AKR1A1: variants seen among roughly 807,000 people sequenced by gnomAD.
AKR1A1 encodes aldo-keto reductase family 1 member A1, also known as HEL-S-165mP.
AKR1A1 carries 26 observed loss-of-function variants against 39.2 expected under a neutral mutation model. The ratio of observed to expected loss-of-function variants is 0.66; its 90% CI spans 0.49 to 0.92. The LOEUF (loss-of-function observed/expected upper bound fraction) is 0.92. AKR1A1 is among the 40% of genes least tolerant of loss of function. The probability of loss-of-function intolerance (pLI) is 0.00; values close to 1 mark genes in which losing one functional copy is unlikely to be tolerated. For missense variants in AKR1A1, 378 were observed against 406.5 expected (o/e 0.93, Z 0.60); for synonymous variants, 141 against 155.5 (o/e 0.91, Z 0.69).
At chr1:45,569,538 A>G (rs1011729248) in intron 8 of AKR1A1, among the ~76,000 whole-genome samples, 2 of 152,156 alleles carry the variant, frequency 1.3e-5, no homozygotes, top group African/African-American at 4.8e-5. Context: ...CATGTAGTAG[A>G]TTCTCAGTAA....
intron 2 of AKR1A1, among the ~76,000 whole-genome samples, 173 bp downstream of exon 2, chr1:45,562,051 G>T (rs1644284513): frequency 6.6e-6 from 1 of 152,164 alleles, no homozygotes; most frequent in Non-Finnish European, 1.5e-5. Flanking sequence ...GGGCTGAGGG[G>T]CCCAGCAGGG....
chr1:45,557,912 C>CTTTTTTTTTTTTTTTTTT lies in AKR1A1; in HGVS notation c.-6-3862_-6-3861insTTTTTTTTTTTTTTTTTT, dbSNP rs67386168. ...TGTACTGGCTTTACTCACAACTTGT[C>CTTTTTTTTTTTTTTTTTT]TTTTTTTTTTTTTTTGAGATGGAGC... On this transcript the variant is annotated intron_variant, in intron 1 of 8. Coordinates refer to ENST00000351829, the MANE Select transcript of AKR1A1 (RefSeq NM_153326.3). Among the ~76,000 whole-genome samples, 179 of 112,174 alleles carry CTTTTTTTTTTTTTTTTTT rather than the reference C, an allele frequency of 1.6e-3. 15 individuals carry two copies. Among genetic ancestry groups the CTTTTTTTTTTTTTTTTTT allele is most frequent in the East Asian group, 2.3e-3 (8 of 3,510 alleles). The allele number at this position is 112,174 out of a possible 152,430, so 73.6% of individuals were successfully genotyped here. A position where few individuals can be genotyped will look rare whatever the true frequency, so the allele number is the denominator to read the frequency against.
Position 45,568,620 on chromosome 1 carries a change from GA to G in AKR1A1, c.689del (p.Glu230GlyfsTer4), listed in dbSNP as rs776439737. 4.3e-6 allele frequency: 7 copies of G among 1,613,984 alleles called. No individual in the cohort carries two copies. Among genetic ancestry groups the G allele is most frequent in the Non-Finnish European group, 5.1e-6 (6 of 1,179,944 alleles). On this transcript the variant is annotated frameshift_variant, in exon 6 of 9. Transcript: ENST00000351829. LOFTEE classifies it high-confidence loss of function. ...TGATCCTGATGAGCCTGTCCTGCTG[GA>G]GGAACCAGTAGTCCTGGCATTGGCT... ...WRDPDEPVLL[E>X]EPVVLALAEK...
At chr1:45,551,979 T>TGTA (rs1644136407) in intron 1 of AKR1A1, among the ~76,000 whole-genome samples, 4 of 146,424 alleles carry the variant, frequency 2.7e-5, no homozygotes, top group African/African-American at 1.0e-4. Context: ...ATTGTGTACA[T>TGTA]TGTATGTATG....
intron 2 of AKR1A1, among the ~76,000 whole-genome samples, chr1:45,566,157 G>C (rs572343173): frequency 1.3e-4 from 20 of 151,920 alleles, no homozygotes; most frequent in African/African-American, 4.6e-4. Context: ...TGCCGAGGCT[G>C]AAGTGCAGTG....
intron 1 of AKR1A1, among the ~76,000 whole-genome samples, chr1:45,559,618 T>G (rs1195525832): frequency 6.7e-6 from 1 of 149,396 alleles, no homozygotes; most frequent in African/African-American, 2.5e-5. Context: ...TTGCCACTTC[T>G]TTTCTCTTTT....
intron 4 of AKR1A1, 119 bp from the exon 5 acceptor site, chr1:45,567,863 A>C (rs1644364298): frequency 1.0e-6 from 1 of 963,738 alleles, no homozygotes; most frequent in South Asian, 2.0e-5. Context: ...GCTTTTTAAA[A>C]ATTCTTGGCC....
Position 45,568,968 on chromosome 1 carries a change from T to C in AKR1A1, c.794T>C (p.Ile265Thr), listed in dbSNP as rs149653815. The C allele has an allele frequency of 6.2e-6, 10 of 1,614,094 alleles. No homozygotes were observed. In the African/African-American group the frequency reaches 1.1e-4, roughly 17 times the overall value. Reference sequence around the variant, plus strand: ...AAAGTGATCTGCATCCCCAAAAGTATCACTCCTTCTCGAATCCTTCAGAAC... The same window carrying C: ...AAAGTGATCTGCATCCCCAAAAGTACCACTCCTTCTCGAATCCTTCAGAAC... Reference protein sequence around the residue: ...QRKVICIPKSITPSRILQNIK... With the variant: ...QRKVICIPKSTTPSRILQNIK... The change falls in exon 7 of 9, where the codon ATC (isoleucine) becomes ACC (threonine). Residue 265 changes from isoleucine (I) to threonine (T), a missense_variant. Physicochemically the swap from Ile to Thr is moderately conservative, Grantham distance 89 (BLOSUM62 -1). Transcript: ENST00000351829.
chr1:45,562,832 A>C (rs1361533781), intron 2 of AKR1A1, among the ~76,000 whole-genome samples: 5 of 151,812 alleles, frequency 3.3e-5, no homozygotes, highest in Non-Finnish European at 7.4e-5. Context: ...TTAAAGAACA[A>C]GATAGGGCCA....
intron 1 of AKR1A1, among the ~76,000 whole-genome samples, chr1:45,552,809 C>G (rs547287062): frequency 1.3e-5 from 2 of 152,080 alleles, no homozygotes; most frequent in Non-Finnish European, 2.9e-5. Context: ...ACTCTGGAAG[C>G]CAAGATCTGT....
chr1:45,555,356 G>A (rs146598653), intron 1 of AKR1A1, among the ~76,000 whole-genome samples: 1,722 of 152,126 alleles, frequency 0.011, 21 homozygotes, highest in Middle Eastern at 0.044. Context: ...GCGTGGTGGC[G>A]CATGCCTGTA....
chr1:45,566,747 G>T (rs1364081629), intron 3 of AKR1A1, 59 bp downstream of exon 3: 2 of 1,604,766 alleles, frequency 1.2e-6, no homozygotes, highest in African/African-American at 2.7e-5. Context: ...TGAAGCTAGG[G>T]CTGGGGCCCA....
intron 1 of AKR1A1, among the ~76,000 whole-genome samples, chr1:45,555,058 T>C (rs1644183354): frequency 6.6e-6 from 1 of 152,190 alleles, no homozygotes; most frequent in Admixed American, 6.5e-5. Flanking sequence ...CTTTAACACT[T>C]GTTATCCAGG....
chr1:45,560,979 G>A (rs1365375232), intron 1 of AKR1A1, among the ~76,000 whole-genome samples: 1 of 152,014 alleles, frequency 6.6e-6, no homozygotes, highest in African/African-American at 2.4e-5. Flanking sequence ...CACCCGCCTC[G>A]GCCTCCCAAA....
intron 4 of AKR1A1, chr1:45,567,324 A>G (rs566129823): frequency 2.5e-4 from 80 of 315,604 alleles, no homozygotes; most frequent in Non-Finnish European, 7.6e-5. Context: ...ACCTGGGGTT[A>G]CAGTAATAAG....
chr1:45,566,936 T>G lies in AKR1A1; in HGVS notation c.272T>G (p.Val91Gly), dbSNP rs747227283. 1.7e-4 allele frequency: 277 copies of G among 1,614,010 alleles called. 1 individual carries two copies. Among genetic ancestry groups the G allele is most frequent in the Non-Finnish European group, 2.2e-4 (263 of 1,180,018 alleles). Residue 91 changes from valine (V) to glycine (G), a missense_variant, in exon 4 of 9, where the codon GTG (valine) becomes GGG (glycine). By Grantham distance (109) the Val-to-Gly change is moderately radical. Coordinates refer to ENST00000351829, the MANE Select transcript of AKR1A1 (RefSeq NM_153326.3). ...AACACCAAGCACCACCCCGAGGATG[T>G]GGAGCCTGCCCTCCGGAAGACTCTG... is the stretch of plus-strand genomic sequence containing the variant. ...LWNTKHHPEDVEPALRKTLAD... is the reference protein window; with the variant it reads ...LWNTKHHPEDGEPALRKTLAD...
intron 1 of AKR1A1, among the ~76,000 whole-genome samples, chr1:45,556,301 C>T (rs775699516): frequency 1.2e-4 from 19 of 152,192 alleles, no homozygotes; most frequent in Non-Finnish European, 2.5e-4. Context: ...TGAAGGTTTC[C>T]GCCGGGCGCG....
intron 4 of AKR1A1, 102 bp downstream of exon 4, chr1:45,567,122 ATT>A: frequency 1.4e-6 from 2 of 1,461,838 alleles, no homozygotes; most frequent in Non-Finnish European, 1.8e-6. Flanking sequence ...AGGAACACTC[ATT>A]TGCATGCCAA....
intron 1 of AKR1A1, among the ~76,000 whole-genome samples, chr1:45,554,165 A>C (rs1453426271): frequency 6.6e-6 from 1 of 151,350 alleles, no homozygotes; most frequent in African/African-American, 2.4e-5. Flanking sequence ...AGTGGCTCAC[A>C]CTTATAATCC....
Sources: allele counts gnomAD v4.1 joint callset (sites outside exome capture counted in the v4.1 genomes callset), GRCh38; gene constraint gnomAD v4.1.1; transcripts MANE v1.5; gene names NCBI Gene and HGNC (gene_info 2026-07-23, HGNC 2026-07-21).